Variants in CEP112 observed in about 807,000 individuals in gnomAD.
CEP112 encodes centrosomal protein of 112 kDa.
A neutral mutation model predicts 153.0 loss-of-function variants in CEP112; 127 were observed. That is an observed-to-expected ratio of 0.83 (90% CI 0.72 to 0.96). The LOEUF is 0.96. Among genes scored for constraint, CEP112 ranks in the 40% least tolerant of loss-of-function variants. The probability of loss-of-function intolerance (pLI) is 0.00; values close to 1 mark genes in which losing one functional copy is unlikely to be tolerated. For missense variants in CEP112, 1,089 were observed against 1,101.2 expected (o/e 0.99, Z 0.16); for synonymous variants, 358 against 374.4 (o/e 0.96, Z 0.51).
At chr17:66,044,964 A>G (rs896016487) in intron 12 of CEP112, among the ~76,000 whole-genome samples, 1 of 152,314 alleles carries the variant, frequency 6.6e-6, no homozygotes, top group Middle Eastern at 3.4e-3. Flanking sequence ...AACTCAATTT[A>G]AAAATAGACA....
rs1304959887 is a variant in CEP112 at position 65,916,102 on chromosome 17, C to T, written c.1980+11480G>A. ...AATATCATTTCAGTAGAGTCCTTCACTAACAATCTTATCTACAATAACACC... is the reference window on the plus strand; with the variant it reads ...AATATCATTTCAGTAGAGTCCTTCATTAACAATCTTATCTACAATAACACC... On this transcript the variant is annotated intron_variant, in intron 19 of 26. Coordinates refer to ENST00000535342, the MANE Select transcript of CEP112 (RefSeq NM_001199165.4). 2.6e-5 allele frequency among the ~76,000 whole-genome samples: 4 copies of T among 152,170 alleles called. No homozygotes were observed. In the East Asian group the frequency reaches 7.7e-4, roughly 29 times the overall value.
intron 21 of CEP112, among the ~76,000 whole-genome samples, chr17:65,761,099 A>C (rs767672989): frequency 4.0e-5 from 6 of 151,732 alleles, no homozygotes; most frequent in Non-Finnish European, 5.9e-5. Context: ...CTCATTTTTC[A>C]TTACTTTTAT....
intron 18 of CEP112, among the ~76,000 whole-genome samples, chr17:65,937,546 C>T (rs1175798809): frequency 8.2e-4 from 89 of 108,458 alleles, no homozygotes; most frequent in East Asian, 3.5e-3. Context: ...CCCGGCCAGC[C>T]GCCCCGTCCG....
At chr17:66,115,366 A>C (rs1028954731) in intron 6 of CEP112, among the ~76,000 whole-genome samples, 1 of 152,222 alleles carries the variant, frequency 6.6e-6, no homozygotes, top group Non-Finnish European at 1.5e-5. Context: ...ATCATCCCAA[A>C]ACTTCATGGC....
intron 23 of CEP112, among the ~76,000 whole-genome samples, chr17:65,712,829 C>A (rs1270837164): frequency 6.6e-6 from 1 of 152,060 alleles, no homozygotes; most frequent in Non-Finnish European, 1.5e-5. Context: ...GTGGGCGATA[C>A]TCAAAAGCAA....
At chr17:66,077,591 G>A (rs1023877811) in intron 8 of CEP112, among the ~76,000 whole-genome samples, 2 of 152,136 alleles carry the variant, frequency 1.3e-5, no homozygotes, top group East Asian at 1.9e-4. Flanking sequence ...AAGAACAATC[G>A]GTATTCCTGA....
chr17:65,774,060 C>A (rs1478131151), intron 21 of CEP112, among the ~76,000 whole-genome samples: 1 of 143,690 alleles, frequency 7.0e-6, no homozygotes, highest in East Asian at 2.1e-4. Flanking sequence ...GCACTCCAGC[C>A]TGGGTGACAA....
rs145927822 is a variant in CEP112 at position 65,998,485 on chromosome 17, C to T, written c.1736+7205G>A. Among the ~76,000 whole-genome samples the T allele has an allele frequency of 2.9e-4, 43 of 149,238 alleles. No homozygotes were observed. The East Asian group carries it at 8.2e-3, about 29-fold the overall frequency. On this transcript the variant is annotated intron_variant, in intron 17 of 26. Transcript: ENST00000535342. Reference sequence around the variant, plus strand: ...AATTTACTAAAAATCATATATTGTGCACTTAAAACAAGTTATTTTTATGGT... The same window carrying T: ...AATTTACTAAAAATCATATATTGTGTACTTAAAACAAGTTATTTTTATGGT...
At chr17:65,751,449 A>C (rs1236906632) in intron 21 of CEP112, among the ~76,000 whole-genome samples, 3 of 152,110 alleles carry the variant, frequency 2.0e-5, no homozygotes, top group African/African-American at 7.2e-5. Flanking sequence ...GACGTGCCCT[A>C]GACTGTGTCT....
intron 20 of CEP112, among the ~76,000 whole-genome samples, chr17:65,859,831 AC>A (rs1210721790): frequency 7.2e-6 from 1 of 138,920 alleles, no homozygotes; most frequent in East Asian, 2.1e-4. Context: ...ACATAGCGAA[AC>A]CCTGTCTCTA....
intron 6 of CEP112, among the ~76,000 whole-genome samples, chr17:66,100,931 C>T (rs1378937595): frequency 1.3e-5 from 2 of 152,026 alleles, no homozygotes; most frequent in East Asian, 3.9e-4. Context: ...ACAAATACTG[C>T]ACTACTTTAT....
chr17:65,844,591 G>A (rs1019254619), intron 21 of CEP112, among the ~76,000 whole-genome samples: 3 of 151,456 alleles, frequency 2.0e-5, no homozygotes, highest in Non-Finnish European at 4.4e-5. Flanking sequence ...AGTATGAGGC[G>A]GGAGAATCGC....
chr17:66,125,056 T>TA (rs1251329261), intron 6 of CEP112, among the ~76,000 whole-genome samples: 2 of 152,132 alleles, frequency 1.3e-5, no homozygotes, highest in African/African-American at 2.4e-5. Flanking sequence ...ATTTACTATT[T>TA]AAAAAAACAC....
At chr17:66,111,080 C>G (rs1209801240) in intron 6 of CEP112, among the ~76,000 whole-genome samples, 1 of 151,946 alleles carries the variant, frequency 6.6e-6, no homozygotes, top group African/African-American at 2.4e-5. Context: ...AAGACATACA[C>G]GTGGCCAACA....
chr17:65,893,852 T>G (rs558382381), intron 20 of CEP112, among the ~76,000 whole-genome samples: 1 of 152,244 alleles, frequency 6.6e-6, no homozygotes, highest in African/African-American at 2.4e-5. Context: ...ATGATTCCAA[T>G]TAGTCCTGAA....
chr17:65,812,267 T>C (rs1186811456), intron 21 of CEP112, among the ~76,000 whole-genome samples: 1 of 152,204 alleles, frequency 6.6e-6, no homozygotes, highest in Non-Finnish European at 1.5e-5. Context: ...CCTCCCAAAG[T>C]GCTGGGATTA....
At chr17:66,001,942 T>C (rs184176427) in intron 17 of CEP112, among the ~76,000 whole-genome samples, 19 of 152,324 alleles carry the variant, frequency 1.2e-4, no homozygotes, top group African/African-American at 4.3e-4. Context: ...TGGAGGCTAT[T>C]AAAATTATTT....
intron 12 of CEP112, among the ~76,000 whole-genome samples, chr17:66,039,362 G>A (rs1225820616): frequency 1.3e-5 from 2 of 152,040 alleles, no homozygotes; most frequent in Non-Finnish European, 2.9e-5. Flanking sequence ...GCAACTACTT[G>A]GTATCCACAG....
At chr17:65,973,149 A>T (rs1323226502) in intron 17 of CEP112, among the ~76,000 whole-genome samples, 1 of 152,222 alleles carries the variant, frequency 6.6e-6, no homozygotes, top group African/African-American at 2.4e-5. Flanking sequence ...AAAACCTAAA[A>T]CTATAAAACT....
Sources: allele counts gnomAD v4.1 joint callset (sites outside exome capture counted in the v4.1 genomes callset), GRCh38; gene constraint gnomAD v4.1.1; transcripts MANE v1.5; gene names NCBI Gene and HGNC (gene_info 2026-07-23, HGNC 2026-07-21).